PDIA5: variants seen among roughly 807,000 people sequenced by gnomAD.
The protein encoded by PDIA5 is protein disulfide-isomerase A5.
PDIA5 carries 58 observed loss-of-function variants against 77.6 expected under a neutral mutation model. The observed-to-expected ratio is 0.75, with a 90% CI of 0.61 to 0.93. The LOEUF is 0.93. PDIA5 is among the 40% of genes least tolerant of loss of function. The pLI is 0.00. For synonymous variants in PDIA5, 250 were observed against 252.1 expected, an observed-to-expected ratio of 0.99 and a Z score of 0.08; for missense variants, 630 against 647.7, an observed-to-expected ratio of 0.97 and a Z score of 0.30.
At chr3:123,103,283 A>G (rs774916567) in intron 5 of PDIA5, among the ~76,000 whole-genome samples, 3 of 152,238 alleles carry the variant, frequency 2.0e-5, no homozygotes, top group Non-Finnish European at 2.9e-5. Flanking sequence ...AAAAGCATAA[A>G]TGGAAAGAAA....
chr3:123,106,891 CCAGGGCCTCCCAAGGA>C, intron 6 of PDIA5, 50 bp downstream of exon 6: 1 of 1,247,440 alleles, frequency 8.0e-7, no homozygotes, highest in Non-Finnish European at 1.2e-6. Flanking sequence ...TTCCCTGGTA[CCAGGGCCTCCCAAGGA>C]AAGGAGCCCA....
chr3:123,100,271 A>G (rs1392502674), intron 3 of PDIA5, among the ~76,000 whole-genome samples: 6 of 152,238 alleles, frequency 3.9e-5, no homozygotes, highest in African/African-American at 1.2e-4. Flanking sequence ...CTGTCCATGC[A>G]GCTTCACCAC....
Position 123,087,369 on chromosome 3 carries a change from T to TA in PDIA5, c.43-1799_43-1798insA, listed in dbSNP as rs1934167354. 2.6e-5 allele frequency among the ~76,000 whole-genome samples: 4 copies of TA among 151,960 alleles called. No homozygotes were observed. The South Asian group carries it at 6.2e-4, about 24-fold the overall frequency. ...TCTTTTTTTTTTCTTTTTCTTTTTCTGGAGTCTCTTTAATTTGGTTCTTGT... is the reference window on the plus strand; with the variant it reads ...TCTTTTTTTTTTCTTTTTCTTTTTCTAGGAGTCTCTTTAATTTGGTTCTTGT... On this transcript the variant is annotated intron_variant, in intron 1 of 16. Transcript: ENST00000316218.
At chr3:123,111,302 C>T (rs963951582) in intron 7 of PDIA5, among the ~76,000 whole-genome samples, 1 of 152,234 alleles carries the variant, frequency 6.6e-6, no homozygotes, top group African/African-American at 2.4e-5. Flanking sequence ...GTCCCATTTC[C>T]TGCTGGTGGT....
intron 11 of PDIA5, among the ~76,000 whole-genome samples, chr3:123,136,697 C>A (rs945269067): frequency 4.0e-4 from 51 of 128,274 alleles, no homozygotes; most frequent in African/African-American, 1.4e-3. Context: ...CGAGATCATG[C>A]CATTGCACTC....
At chr3:123,114,698 C>G (rs1456086169) in intron 7 of PDIA5, among the ~76,000 whole-genome samples, 1 of 152,250 alleles carries the variant, frequency 6.6e-6, no homozygotes, top group East Asian at 1.9e-4. Context: ...ATGCCCCTGA[C>G]AAGTGTCATA....
chr3:123,155,064 C>G (rs191440255), intron 15 of PDIA5, 23 bp downstream of exon 15: 28 of 1,511,886 alleles, frequency 1.9e-5, no homozygotes, highest in Non-Finnish European at 9.2e-7. Flanking sequence ...CTCTTCATCT[C>G]TTGATCTGCC....
chr3:123,127,228 C>G lies in PDIA5; in HGVS notation c.773+2885C>G, dbSNP rs75401024. 4.8e-3 allele frequency among the ~76,000 whole-genome samples: 727 copies of G among 152,272 alleles called. 3 individuals are homozygous for G. Among genetic ancestry groups the G allele is most frequent in the African/African-American group, 0.017 (691 of 41,544 alleles). On this transcript the variant is annotated intron_variant, in intron 10 of 16. Transcript: ENST00000316218. ...TCCTAGAGAGCCTGGAACAATTGCT[C>G]TCTCCAAACTGCAGAGCTCATGAAA...
At chr3:123,097,206 AG>A (rs1414756798) in intron 3 of PDIA5, among the ~76,000 whole-genome samples, 1 of 152,212 alleles carries the variant, frequency 6.6e-6, no homozygotes, top group East Asian at 1.9e-4. Context: ...ATTACTTACC[AG>A]GGGGTAAAAC....
chr3:123,144,174 G>A (rs1051005351), intron 11 of PDIA5, among the ~76,000 whole-genome samples: 2 of 152,162 alleles, frequency 1.3e-5, no homozygotes, highest in South Asian at 2.1e-4. Flanking sequence ...CAGGAAAGCC[G>A]ATTCCGTAGC....
chr3:123,077,395 C>G (rs1178248071), intron 1 of PDIA5, among the ~76,000 whole-genome samples: 1 of 152,150 alleles, frequency 6.6e-6, no homozygotes, highest in African/African-American at 2.4e-5. Context: ...TCCCTAAGCC[C>G]TGGATTTGGA....
chr3:123,068,724 G>T (rs1269329208), intron 1 of PDIA5, among the ~76,000 whole-genome samples: 2 of 152,198 alleles, frequency 1.3e-5, no homozygotes, highest in Admixed American at 1.3e-4. Flanking sequence ...GCCCTCCACT[G>T]GGTTAGATTT....
chr3:123,125,258 A>G (rs1935216617), intron 10 of PDIA5, among the ~76,000 whole-genome samples: 1 of 152,230 alleles, frequency 6.6e-6, no homozygotes, highest in Admixed American at 6.5e-5. Context: ...ACAACAGCCA[A>G]CATCTTTTGG....
intron 3 of PDIA5, among the ~76,000 whole-genome samples, chr3:123,093,509 T>C (rs1282547949): frequency 6.6e-6 from 1 of 152,218 alleles, no homozygotes; most frequent in Non-Finnish European, 1.5e-5. Flanking sequence ...TCTGCCAAGC[T>C]GATGGAGGCT....
intron 3 of PDIA5, among the ~76,000 whole-genome samples, chr3:123,101,125 G>A (rs537071079): frequency 2.0e-5 from 3 of 152,288 alleles, no homozygotes; most frequent in South Asian, 2.1e-4. Flanking sequence ...TAGGGCACAG[G>A]GGAGCCAAAC....
intron 11 of PDIA5, among the ~76,000 whole-genome samples, chr3:123,141,031 T>C (rs1162702270): frequency 6.6e-6 from 1 of 152,184 alleles, no homozygotes; most frequent in Non-Finnish European, 1.5e-5. Context: ...GGCAGGGCAG[T>C]GGCATCAAAG....
rs188028581 is a variant in PDIA5 at position 123,105,310 on chromosome 3, A to G, written c.388-1439A>G. Reference sequence around the variant, plus strand: ...TAGATTAAGAACCCCTGCACCAGGTATTTCTGGAACCCCAGGCAGGTGGGT... The same window carrying G: ...TAGATTAAGAACCCCTGCACCAGGTGTTTCTGGAACCCCAGGCAGGTGGGT... On this transcript the variant is annotated intron_variant, in intron 5 of 16. Coordinates refer to ENST00000316218, the MANE Select transcript of PDIA5 (RefSeq NM_006810.4). 2.2e-3 allele frequency among the ~76,000 whole-genome samples: 336 copies of G among 152,300 alleles called. 4 individuals carry two copies. Among genetic ancestry groups the G allele is most frequent in the African/African-American group, 7.8e-3 (325 of 41,568 alleles).
intron 1 of PDIA5, among the ~76,000 whole-genome samples, chr3:123,072,467 G>A (rs1933746998): frequency 1.3e-5 from 2 of 152,196 alleles, no homozygotes; most frequent in Non-Finnish European, 2.9e-5. Flanking sequence ...AGGTGGGCAA[G>A]GAAGGGCCAG....
chr3:123,105,849 C>A (rs1934716054), intron 5 of PDIA5, among the ~76,000 whole-genome samples: 1 of 152,138 alleles, frequency 6.6e-6, no homozygotes, highest in African/African-American at 2.4e-5. Context: ...GGTTCCTGAT[C>A]CTGGCTCTCA....
Sources: allele counts gnomAD v4.1 joint callset (sites outside exome capture counted in the v4.1 genomes callset), GRCh38; gene constraint gnomAD v4.1.1; transcripts MANE v1.5; gene names NCBI Gene and HGNC (gene_info 2026-07-23, HGNC 2026-07-21).